AFDN: variants seen among roughly 807,000 people sequenced by gnomAD.
The protein encoded by AFDN is afadin, adherens junction formation factor.
AFDN carries 68 observed loss-of-function variants against 216.6 expected under a neutral mutation model. That is an observed-to-expected ratio of 0.31 (90% CI 0.26 to 0.38). The LOEUF (loss-of-function observed/expected upper bound fraction) is 0.38, where lower values mean the gene tolerates loss of function less well. AFDN is among the 10% of genes least tolerant of loss of function. The probability of loss-of-function intolerance (pLI) is 1.00; values close to 1 mark genes in which losing one functional copy is unlikely to be tolerated. For synonymous variants in AFDN, 868 were observed against 853.7 expected, an observed-to-expected ratio of 1.02 and a Z score of -0.29; for missense variants, 2,136 against 2,342.0, an observed-to-expected ratio of 0.91 and a Z score of 1.82.
chr6:167,923,376 G>A (rs1042796443), intron 22 of AFDN, among the ~76,000 whole-genome samples: 4 of 152,098 alleles, frequency 2.6e-5, no homozygotes, highest in Admixed American at 1.3e-4. Context: ...TGAAAGAGTG[G>A]TAAATCCCAA....
In AFDN at chr6:167,962,965, T is replaced by C. The variant is rs1405084539; in HGVS notation, c.4968+398T>C. 7.3e-6 allele frequency: 8 copies of C among 1,099,080 alleles called. No homozygotes were observed. The highest frequency in any genetic ancestry group is 4.3e-5 in the East Asian group (1 of 23,028). 68.1% of individuals were successfully genotyped at this position (1,099,080 alleles called of 1,614,324 possible). A position where few individuals can be genotyped will look rare whatever the true frequency, so the allele number is the denominator to read the frequency against. ...ACCGTGGGAAGCAGTAGGAGCGTAG[T>C]AAGACAGTTGGCTGCCATTCAACAT... On this transcript the variant is annotated intron_variant, in intron 31 of 33. Coordinates refer to ENST00000683244, the MANE Select transcript of AFDN (RefSeq NM_001386888.1). The surrounding 1 kb of genome is among the most constrained non-coding windows in gnomAD (Gnocchi z 5.2).
chr6:167,962,731 C>G lies in AFDN; in HGVS notation c.4968+164C>G. ...GATTGGACCTGCAACTTTACCCCAT[C>G]TGGCCCACCTACCTCTCTTCTGGAC... On this transcript the variant is annotated intron_variant, in intron 31 of 33. Coordinates refer to ENST00000683244, the MANE Select transcript of AFDN (RefSeq NM_001386888.1). This position sits in a 1 kb window ranked among gnomAD's most constrained non-coding sequence, Gnocchi z 5.2. The G allele has an allele frequency of 6.6e-7, 1 of 1,504,342 alleles. No individual in the cohort carries two copies. The highest frequency in any genetic ancestry group is 2.5e-4 in the Middle Eastern group (1 of 4,062). 93.2% of individuals were successfully genotyped at this position (1,504,342 alleles called of 1,614,324 possible).
chr6:167,847,688 C>G (rs1413592974), intron 1 of AFDN, among the ~76,000 whole-genome samples: 1 of 152,184 alleles, frequency 6.6e-6, no homozygotes, highest in Non-Finnish European at 1.5e-5. Flanking sequence ...CTTCTTACTA[C>G]TGAATTAATC....
chr6:167,942,736 CTT>C (rs1794842843), intron 23 of AFDN, among the ~76,000 whole-genome samples: 1 of 152,078 alleles, frequency 6.6e-6, no homozygotes, highest in Non-Finnish European at 1.5e-5. Flanking sequence ...CATTTAAAAT[CTT>C]AAACTATACG....
rs1048604512 is a variant in AFDN at position 167,846,714 on chromosome 6, T to G, written c.106-17837T>G. On this transcript the variant is annotated intron_variant, in intron 1 of 33. Coordinates refer to ENST00000683244, the MANE Select transcript of AFDN (RefSeq NM_001386888.1). ...AATATTTAAAAAAAAAACCAAGTTG[T>G]TTTTTTTTTTTTTTTCAATGTATCT... is the stretch of plus-strand genomic sequence containing the variant. 1.7e-4 allele frequency among the ~76,000 whole-genome samples: 21 copies of G among 121,806 alleles called. No individual in the cohort carries two copies. The East Asian group carries it at 3.8e-3, about 22-fold the overall frequency. The allele number at this position is 121,806 out of a possible 152,430, so 79.9% of individuals were successfully genotyped here. A position where few individuals can be genotyped will look rare whatever the true frequency, so the allele number is the denominator to read the frequency against.
intron 30 of AFDN, among the ~76,000 whole-genome samples, chr6:167,958,912 A>C (rs1796776787): frequency 1.3e-5 from 2 of 152,256 alleles, no homozygotes; most frequent in African/African-American, 4.8e-5. Flanking sequence ...CTCTAGAATG[A>C]AAATGGGCCC....
At chr6:167,883,747 TGGTGCA>T (rs1333462567) in intron 6 of AFDN, among the ~76,000 whole-genome samples, 1 of 152,252 alleles carries the variant, frequency 6.6e-6, no homozygotes, top group Admixed American at 6.5e-5. Context: ...ATCTTTTTGC[TGGTGCA>T]GGGGCTTGCG....
chr6:167,939,224 T>G (rs1482432014), intron 23 of AFDN, among the ~76,000 whole-genome samples: 1 of 152,238 alleles, frequency 6.6e-6, no homozygotes, highest in Non-Finnish European at 1.5e-5. Flanking sequence ...ATTGGTTATC[T>G]TAGTAAAGGG....
rs1787262608 is a variant in AFDN at position 167,889,263 on chromosome 6, G to T, written c.946G>T (p.Glu316Ter). ...AQHSDEKGAK[E>*]IILDDDECPL... ...GCATTCTGATGAAAAGGGTGCTAAA[G>T]AAATTATTCTTGATGATGATGAGTG... is the stretch of plus-strand genomic sequence containing the variant. The change falls in exon 7 of 34, where the codon GAA (glutamate) becomes TAA (stop). Residue 316 changes from glutamate to a stop codon, truncating the protein, a stop_gained. Transcript: ENST00000683244. LOFTEE classifies it high-confidence loss of function. 1 of 1,613,968 alleles carries T rather than the reference G, an allele frequency of 6.2e-7. No homozygotes were observed. Among genetic ancestry groups the T allele is most frequent in the Admixed American group, 1.7e-5 (1 of 59,996 alleles).
chr6:167,856,794 A>G (rs1583174832), intron 1 of AFDN, among the ~76,000 whole-genome samples: 1 of 152,112 alleles, frequency 6.6e-6, no homozygotes, highest in African/African-American at 2.4e-5. Context: ...TCAATTTGTG[A>G]AAAAGGAGTG....
rs749640629 is a variant in AFDN, at chr6:167,880,537, C to G, written c.897+20C>G. On this transcript the variant is annotated intron_variant, in intron 6 of 33. Coordinates refer to ENST00000683244, the MANE Select transcript of AFDN (RefSeq NM_001386888.1). ...GCCCGGGTAAGGAACTTTATCAAAT[C>G]AGTAGTTCTTTCTACTTCACATTTA... The G allele has an allele frequency of 1.9e-6, 3 of 1,608,856 alleles. No individual in the cohort carries two copies. In the East Asian group the frequency reaches 6.7e-5, roughly 36 times the overall value.
chr6:167,843,401 G>A (rs1439871963), intron 1 of AFDN, among the ~76,000 whole-genome samples: 1 of 152,194 alleles, frequency 6.6e-6, no homozygotes, highest in East Asian at 1.9e-4. Context: ...GTATAAGAGA[G>A]CTATTTTATT....
At chr6:167,920,319 T>C (rs1402025172) in intron 21 of AFDN, among the ~76,000 whole-genome samples, 1 of 152,164 alleles carries the variant, frequency 6.6e-6, no homozygotes, top group Non-Finnish European at 1.5e-5. Context: ...ATTAGTTCCG[T>C]GCTCTGCCAT....
chr6:167,946,930 G>C, intron 27 of AFDN, 29 bp downstream of exon 27: 1 of 1,581,184 alleles, frequency 6.3e-7, no homozygotes, highest in Non-Finnish European at 8.6e-7. Context: ...TGCTTCCTAA[G>C]TACACTTGTG....
At chr6:167,934,359 G>A (rs1485500853) in intron 23 of AFDN, among the ~76,000 whole-genome samples, 2 of 152,158 alleles carry the variant, frequency 1.3e-5, no homozygotes, top group Non-Finnish European at 2.9e-5. Flanking sequence ...CAAGGTTGCT[G>A]AATGTAGAAT....
chr6:167,841,307 A>G (rs190112975), intron 1 of AFDN, among the ~76,000 whole-genome samples: 80 of 152,314 alleles, frequency 5.3e-4, no homozygotes, highest in African/African-American at 1.9e-3. Context: ...GAAGAGAGCC[A>G]GGGGATTCAG....
intron 6 of AFDN, 98 bp from the exon 7 acceptor site, chr6:167,889,117 A>G: frequency 5.5e-6 from 4 of 732,646 alleles, no homozygotes; most frequent in Non-Finnish European, 6.9e-6. Context: ...TTCTACGGTG[A>G]CATTTTATTC....
intron 30 of AFDN, among the ~76,000 whole-genome samples, chr6:167,956,979 C>T: frequency 6.6e-6 from 1 of 152,350 alleles, no homozygotes. Flanking sequence ...TCTCCTTTCA[C>T]TTAGACAGGC....
chr6:167,918,772 C>G lies in AFDN; in HGVS notation c.2747C>G (p.Thr916Ser). 6.2e-7 allele frequency: 1 copy of G among 1,614,024 alleles called. No homozygotes were observed. The highest frequency in any genetic ancestry group is 8.5e-7 in the Non-Finnish European group (1 of 1,179,904). ...IENVVTVAEN[T>S]ADELARSDGR... ...AATGTAGTGACTGTGGCTGAAAACA[C>G]TGCCGATGAGCTGGCCCGCAGTGAT... Residue 916 changes from threonine to serine, a missense_variant, in exon 21 of 34, where the codon ACT becomes AGT. This residue lies in a region of AFDN where 162 missense variants were observed against 182.6 expected (regional missense o/e 0.89). Transcript: ENST00000683244.
Sources: allele counts gnomAD v4.1 joint callset (sites outside exome capture counted in the v4.1 genomes callset), GRCh38; gene constraint gnomAD v4.1.1; regional missense constraint gnomAD v4.1.1; non-coding constraint Gnocchi (gnomAD v3.1); transcripts MANE v1.5; gene names NCBI Gene and HGNC (gene_info 2026-07-23, HGNC 2026-07-21).